IL31RA: variants seen among roughly 807,000 people sequenced by gnomAD.
IL31RA encodes the protein interleukin-31 receptor subunit alpha.
Under a neutral mutation model 83.7 loss-of-function variants are expected in IL31RA, and 66 were observed. The ratio of observed to expected loss-of-function variants is 0.79; its 90% CI spans 0.65 to 0.97. The LOEUF (loss-of-function observed/expected upper bound fraction) is 0.97, where lower values mean the gene tolerates loss of function less well. IL31RA is among the 50% of genes least tolerant of loss of function. The probability of loss-of-function intolerance (pLI) is 0.00; values close to 1 mark genes in which losing one functional copy is unlikely to be tolerated. For missense variants in IL31RA, 798 were observed against 919.4 expected, an observed-to-expected ratio of 0.87 and a Z score of 1.71; for synonymous variants, 325 against 329.0, an observed-to-expected ratio of 0.99 and a Z score of 0.13.
intron 11 of IL31RA, 63 bp downstream of exon 11, chr5:55,908,474 C>T (rs778366259): frequency 8.7e-6 from 14 of 1,614,070 alleles, no homozygotes; most frequent in Middle Eastern, 1.6e-4. Flanking sequence ...TATGGATAGA[C>T]CTGTTGTAGG....
At chr5:55,902,905 A>C (rs1748916003) in intron 8 of IL31RA, among the ~76,000 whole-genome samples, 2 of 152,188 alleles carry the variant, frequency 1.3e-5, no homozygotes. Context: ...AGGCAAGCTT[A>C]GTAATGTGCC....
At chr5:55,866,492 T>C (rs1171524042) in intron 2 of IL31RA, 1 of 151,812 alleles carries the variant, frequency 6.6e-6, no homozygotes, top group Admixed American at 6.6e-5. Flanking sequence ...CACAGTAGGG[T>C]TCAGCTCCTA....
In IL31RA at chr5:55,920,567, A is replaced by G. The variant is rs1223887333; in HGVS notation, c.*3447A>G. Among the ~76,000 whole-genome samples, 2 of 152,218 alleles carry G rather than the reference A, an allele frequency of 1.3e-5. No homozygotes were observed. The highest frequency in any genetic ancestry group is 2.9e-5 in the Non-Finnish European group (2 of 68,036). ...ACAAAGGCAGAGTTGAGTAGTTTCA[A>G]CACAGAGTTTTTCCCACAAAGCAGA... On this transcript the variant is annotated 3_prime_UTR_variant, in exon 15 of 15. Transcript: ENST00000652347.
intron 5 of IL31RA, among the ~76,000 whole-genome samples, chr5:55,883,492 A>AT (rs2112442277): frequency 6.6e-6 from 1 of 152,304 alleles, no homozygotes; most frequent in Admixed American, 6.5e-5. Flanking sequence ...CAGAGAGTCT[A>AT]TGGTTTGGCC....
chr5:55,892,493 TCAC>T (rs1351000090), intron 6 of IL31RA, among the ~76,000 whole-genome samples: 1 of 152,244 alleles, frequency 6.6e-6, no homozygotes, highest in African/African-American at 2.4e-5. Flanking sequence ...TTTGGTGCAT[TCAC>T]CACTATGGTC....
rs1195162009 is a variant in IL31RA, at chr5:55,900,120, A to T, written c.1057A>T (p.Ile353Phe). 1.2e-6 allele frequency: 2 copies of T among 1,612,308 alleles called. No individual in the cohort carries two copies. Among genetic ancestry groups the T allele is most frequent in the South Asian group, 2.2e-5 (2 of 91,042 alleles). The change falls in exon 8 of 15, where the codon ATT becomes TTT. Residue 353 changes from isoleucine to phenylalanine, a missense_variant. Ile to Phe is a conservative substitution (Grantham distance 21). Transcript: ENST00000652347. The part of the protein sequence containing the change: ...SPVATLRIPA[I>F]QEKSFQCIEV... ...AGTGGCCACCCTGAGGATTCCAGCT[A>T]TTCAAGAAAAATGTAAGTAGAGCAT... is the stretch of plus-strand genomic sequence containing the variant.
intron 4 of IL31RA, among the ~76,000 whole-genome samples, chr5:55,876,745 G>T (rs764771531): frequency 1.3e-5 from 2 of 151,866 alleles, no homozygotes; most frequent in African/African-American, 2.4e-5. Flanking sequence ...CATATAGTTA[G>T]ATCTTTTTTT....
intron 3 of IL31RA, 78 bp downstream of exon 3, chr5:55,868,986 C>T: frequency 4.7e-6 from 4 of 856,824 alleles, no homozygotes; most frequent in Non-Finnish European, 8.0e-6. Flanking sequence ...GATTCACATC[C>T]CATATGAAGC....
At position 55,919,262 on chromosome 5, in the gene IL31RA, G is replaced by A. The variant is rs1330469819; in HGVS notation, c.*2142G>A. 6.6e-6 allele frequency among the ~76,000 whole-genome samples: 1 copy of A among 152,194 alleles called. No homozygotes were observed. Among genetic ancestry groups the A allele is most frequent in the African/African-American group, 2.4e-5 (1 of 41,450 alleles). On this transcript the variant is annotated 3_prime_UTR_variant, in exon 15 of 15. Transcript: ENST00000652347. Reference sequence around the variant, plus strand: ...CTCAAATTCTGTGGGAGGTGGGTGAGAGGAGAGCCTGGAACAAGTTCTCCC... The same window carrying A: ...CTCAAATTCTGTGGGAGGTGGGTGAAAGGAGAGCCTGGAACAAGTTCTCCC...
intron 9 of IL31RA, among the ~76,000 whole-genome samples, chr5:55,907,050 G>C (rs1028847813): frequency 6.6e-6 from 1 of 152,204 alleles, no homozygotes; most frequent in African/African-American, 2.4e-5. Context: ...AACTTAATTA[G>C]GCAGCGTGTT....
At chr5:55,841,702 G>A in the IL31RA span, among the ~76,000 whole-genome samples, 2 of 152,190 alleles carry the variant, frequency 1.3e-5, no homozygotes, top group Admixed American at 1.3e-4. Context: ...ATTCCCATGT[G>A]AGAGGATCCG....
chr5:55,840,262 A>G, the IL31RA span, among the ~76,000 whole-genome samples: 1 of 152,218 alleles, frequency 6.6e-6, no homozygotes. Context: ...GGAAGTACTT[A>G]CATCACAGAA....
chr5:55,899,547 C>T (rs1335667510), intron 7 of IL31RA, among the ~76,000 whole-genome samples: 2 of 152,216 alleles, frequency 1.3e-5, no homozygotes, highest in Admixed American at 6.5e-5. Context: ...GACTCAGAGC[C>T]AGACCAGACT....
intron 7 of IL31RA, 50 bp downstream of exon 7, chr5:55,896,479 TTTCCCTCCCTTCCCTCCC>T (rs750983963): frequency 5.9e-6 from 7 of 1,180,664 alleles, no homozygotes; most frequent in African/African-American, 4.9e-5. Context: ...CCTTCCCTCC[TTTCCCTCCCTTCCCTCCC>T]TTCCCTCCCT....
Position 55,922,387 on chromosome 5 carries a change from C to T in IL31RA, c.*5267C>T, listed in dbSNP as rs1387789995. The T allele has an allele frequency of 1.2e-5, 19 of 1,549,894 alleles. No individual in the cohort carries two copies. The highest frequency in any genetic ancestry group is 1.6e-5 in the Non-Finnish European group (18 of 1,145,908). On this transcript the variant is annotated 3_prime_UTR_variant, in exon 15 of 15. Transcript: ENST00000652347. Reference sequence around the variant, plus strand: ...AGTGAGATACTTGTACTATGCATTTCATTTTTAGGACTAGAATTCTGTCTT... The same window carrying T: ...AGTGAGATACTTGTACTATGCATTTTATTTTTAGGACTAGAATTCTGTCTT...
the IL31RA span, chr5:55,839,969 G>A: frequency 1.4e-5 from 9 of 626,412 alleles, no homozygotes; most frequent in Non-Finnish European, 2.7e-5. Flanking sequence ...AGCAAGACCA[G>A]GGCAAGCCGT....
intron 4 of IL31RA, 49 bp from the exon 5 acceptor site, chr5:55,882,995 A>C (rs1747340519): frequency 1.3e-6 from 2 of 1,590,732 alleles, no homozygotes; most frequent in African/African-American, 2.7e-5. Flanking sequence ...GCTATTAGCA[A>C]ATTCTTATCT....
chr5:55,896,279 A>G, intron 6 of IL31RA, 71 bp from the exon 7 acceptor site: 1 of 1,044,374 alleles, frequency 9.6e-7, no homozygotes, highest in Non-Finnish European at 1.5e-6. Flanking sequence ...CCAACTGCCC[A>G]GCTAACCTTT....
intron 3 of IL31RA, among the ~76,000 whole-genome samples, chr5:55,869,423 A>C (rs564102186): frequency 3.3e-5 from 5 of 152,274 alleles, no homozygotes; most frequent in Admixed American, 6.5e-5. Flanking sequence ...TATAATTTTT[A>C]ATTATTATTC....
Sources: allele counts gnomAD v4.1 joint callset (sites outside exome capture counted in the v4.1 genomes callset), GRCh38; gene constraint gnomAD v4.1.1; transcripts MANE v1.5; gene names NCBI Gene and HGNC (gene_info 2026-07-23, HGNC 2026-07-21).